NBEAL1: variants seen among roughly 807,000 people sequenced by gnomAD.
NBEAL1 encodes neurobeachin like 1.
In NBEAL1, 273 loss-of-function variants were observed where a neutral mutation model predicts 351.3. That is an observed-to-expected ratio of 0.78 (90% CI 0.70 to 0.86). The LOEUF is 0.86. Among genes scored for constraint, NBEAL1 ranks in the 40% least tolerant of loss-of-function variants. NBEAL1 has a pLI of 0.00. For synonymous variants in NBEAL1, 1,050 were observed against 1,086.4 expected (o/e 0.97, Z 0.66); for missense variants, 2,961 against 3,201.3 (o/e 0.92, Z 1.81).
rs1269632363 is a variant in NBEAL1 at position 203,076,497 on chromosome 2, A to C, written c.599-1255A>C. Among the ~76,000 whole-genome samples, 125 of 151,534 alleles carry C rather than the reference A, an allele frequency of 8.2e-4. 2 individuals are homozygous for C. The East Asian group carries it at 0.017, about 21-fold the overall frequency. On this transcript the variant is annotated intron_variant, in intron 7 of 55. Coordinates refer to ENST00000683969, the MANE Select transcript of NBEAL1 (RefSeq NM_001378026.1). ...GTCTCAAAAACAAACAAACAAACAAAAAAAAAAGTAGAAAGATGTAGTAAT... is the reference window on the plus strand; with the variant it reads ...GTCTCAAAAACAAACAAACAAACAACAAAAAAAGTAGAAAGATGTAGTAAT...
At chr2:203,019,771 C>T (rs534131382) in intron 2 of NBEAL1, among the ~76,000 whole-genome samples, 4 of 152,200 alleles carry the variant, frequency 2.6e-5, no homozygotes, top group Admixed American at 2.6e-4. Context: ...AGAAATAACC[C>T]TTGGGTAATA....
rs559083471 is a variant in NBEAL1, at chr2:203,220,690, T to A, written c.*3336T>A. Among the ~76,000 whole-genome samples the A allele has an allele frequency of 1.3e-4, 20 of 152,250 alleles. No individual in the cohort carries two copies. In the East Asian group the frequency reaches 3.1e-3, roughly 23 times the overall value. On this transcript the variant is annotated 3_prime_UTR_variant, in exon 56 of 56. Transcript: ENST00000683969. ...TAGAGAATAAAGAACCTTTATAAAA[T>A]TTTTTTACAACTGTTTGCAATCAGT...
intron 42 of NBEAL1, among the ~76,000 whole-genome samples, chr2:203,178,167 C>CTT (rs1253087339): frequency 6.7e-5 from 9 of 133,816 alleles, no homozygotes; most frequent in South Asian, 2.5e-4. Flanking sequence ...TTTCTTTTTT[C>CTT]TTTTTTTTTT....
chr2:203,151,433 A>G (rs773933425), intron 34 of NBEAL1, 32 bp from the exon 35 acceptor site: 8 of 1,491,316 alleles, frequency 5.4e-6, no homozygotes, highest in Admixed American at 2.2e-5. Flanking sequence ...TAAGCTAAAT[A>G]ATTTTACTTA....
At chr2:203,133,275 C>T (rs2063117047) in intron 27 of NBEAL1, 129 bp downstream of exon 27, 1 of 433,482 alleles carries the variant, frequency 2.3e-6, no homozygotes, top group Non-Finnish European at 4.1e-6. Context: ...TATAAGTAAA[C>T]AATTTTCTTT....
chr2:203,019,517 C>T (rs546884588), intron 2 of NBEAL1, among the ~76,000 whole-genome samples: 28 of 152,200 alleles, frequency 1.8e-4, no homozygotes, highest in Middle Eastern at 3.4e-3. Flanking sequence ...GATGTCTACA[C>T]AAAACATTGT....
At chr2:203,034,155 T>C (rs2060999479) in intron 2 of NBEAL1, among the ~76,000 whole-genome samples, 1 of 151,396 alleles carries the variant, frequency 6.6e-6, no homozygotes, top group Non-Finnish European at 1.5e-5. Flanking sequence ...ATGGTTGGCC[T>C]GTACTTTTTT....
At position 203,194,006 on chromosome 2, in the gene NBEAL1, TATTTA is replaced by T. The variant is rs1181267349; in HGVS notation, c.7038+99_7038+103del. 115 of 634,712 alleles carry T rather than the reference TATTTA, an allele frequency of 1.8e-4. 2 individuals carry two copies. In the East Asian group the frequency reaches 3.3e-3, roughly 18 times the overall value. The allele number at this position is 634,712 out of a possible 1,614,324, so 39.3% of individuals were successfully genotyped here. Reference sequence around the variant, plus strand: ...ATTTAATGGGAAGTAAGGATTATAATATTTAATTCAAGATAGTAAATTATACTGTA... The same window carrying T: ...ATTTAATGGGAAGTAAGGATTATAATATTCAAGATAGTAAATTATACTGTA... On this transcript the variant is annotated intron_variant, in intron 47 of 55. Coordinates refer to ENST00000683969, the MANE Select transcript of NBEAL1 (RefSeq NM_001378026.1).
chr2:203,224,284 TC>T lies in NBEAL1; in HGVS notation c.*6931del, dbSNP rs1461119683. Among the ~76,000 whole-genome samples, 1 of 152,092 alleles carries T rather than the reference TC, an allele frequency of 6.6e-6. No homozygotes were observed. Among genetic ancestry groups the T allele is most frequent in the Admixed American group, 6.6e-5 (1 of 15,258 alleles). ...ATAAGTAGCTTTATATAAGAAAACT[TC>T]TTAGAAAACTATGTGGCTGGTTGGT... On this transcript the variant is annotated 3_prime_UTR_variant, in exon 56 of 56. Transcript: ENST00000683969.
At chr2:203,204,659 T>C (rs547065547) in intron 51 of NBEAL1, among the ~76,000 whole-genome samples, 1 of 152,334 alleles carries the variant, frequency 6.6e-6, no homozygotes, top group South Asian at 2.1e-4. Context: ...TTTTCATGTT[T>C]GTTTCAGGTC....
At chr2:203,038,396 C>G (rs1383643181) in intron 2 of NBEAL1, among the ~76,000 whole-genome samples, 1 of 149,006 alleles carries the variant, frequency 6.7e-6, no homozygotes, top group Non-Finnish European at 1.5e-5. Context: ...TTTAGCCATT[C>G]TAGTGGGTAT....
rs774331024 is a variant in NBEAL1, at chr2:203,136,622, A to G, written c.4413A>G (p.Gln1471=). 6.2e-7 allele frequency: 1 copy of G among 1,610,840 alleles called. No homozygotes were observed. The highest frequency in any genetic ancestry group is 1.7e-5 in the Admixed American group (1 of 59,784). ...SQERCEEELL[Q]LLTHILNYVM... is the part of the protein sequence containing the mutation. ...AGAGATGTGAGGAGGAGCTTCTTCA[A>G]TTACTGACACATATTTTGAATTATG... The change falls in exon 29 of 56, where the codon CAA becomes CAG. Residue 1471 remains glutamine (Q), a synonymous_variant. Coordinates refer to ENST00000683969, the MANE Select transcript of NBEAL1 (RefSeq NM_001378026.1).
chr2:203,214,371 A>C (rs1458671015), intron 55 of NBEAL1, among the ~76,000 whole-genome samples: 1 of 152,236 alleles, frequency 6.6e-6, no homozygotes, highest in Non-Finnish European at 1.5e-5. Context: ...CAGTGGCTAT[A>C]ATAACCTGTT....
chr2:203,113,323 G>A lies in NBEAL1; in HGVS notation c.2506+5G>A, dbSNP rs2062614699. 1 of 1,366,570 alleles carries A rather than the reference G, an allele frequency of 7.3e-7. No individual in the cohort carries two copies. Among genetic ancestry groups the A allele is most frequent in the Non-Finnish European group, 9.5e-7 (1 of 1,055,424 alleles). The allele number at this position is 1,366,570 out of a possible 1,614,324, so 84.7% of individuals were successfully genotyped here. A position where few individuals can be genotyped will look rare whatever the true frequency, so the allele number is the denominator to read the frequency against. On this transcript the variant is annotated splice_donor_5th_base_variant and intron_variant, in intron 17 of 55. Coordinates refer to ENST00000683969, the MANE Select transcript of NBEAL1 (RefSeq NM_001378026.1). ...TGAAGGCATTATATTTAGCAGGTAA[G>A]CATGTACAGTCATAATGCTTAAGCA...
chr2:203,026,081 T>C (rs2060851069), intron 2 of NBEAL1, among the ~76,000 whole-genome samples: 1 of 152,208 alleles, frequency 6.6e-6, no homozygotes, highest in Non-Finnish European at 1.5e-5. Flanking sequence ...TTATAACTCC[T>C]ACATAATATT....
At chr2:203,156,274 C>T (rs1559412669) in intron 35 of NBEAL1, among the ~76,000 whole-genome samples, 1 of 152,062 alleles carries the variant, frequency 6.6e-6, no homozygotes, top group Non-Finnish European at 1.5e-5. Context: ...AATGTTTTTC[C>T]TTATTTTCAT....
At chr2:203,192,963 C>CTTTCT (rs1559053742) in intron 46 of NBEAL1, among the ~76,000 whole-genome samples, 1 of 99,334 alleles carries the variant, frequency 1.0e-5, no homozygotes, top group East Asian at 2.8e-4. Context: ...TTCTTTCTTT[C>CTTTCT]TTTTTTTTTT....
chr2:203,165,334 A>C, intron 36 of NBEAL1, among the ~76,000 whole-genome samples: 1 of 152,210 alleles, frequency 6.6e-6, no homozygotes, highest in East Asian at 1.9e-4. Context: ...TTCCCTTGTT[A>C]GGGGAATGCT....
rs201603837 is a variant in NBEAL1 at position 203,180,544 on chromosome 2, C to A, written c.6595+32C>A. ...AATAGAGGATTAAAAATTTGACTAG[C>A]AGGTCCCAATGGAGGAGCCTCAAAA... On this transcript the variant is annotated intron_variant, in intron 43 of 55. Transcript: ENST00000683969. The A allele has an allele frequency of 2.9e-5, 46 of 1,577,368 alleles. No homozygotes were observed. The Admixed American group carries it at 4.1e-4, about 14-fold the overall frequency.
Sources: allele counts gnomAD v4.1 joint callset (sites outside exome capture counted in the v4.1 genomes callset), GRCh38; gene constraint gnomAD v4.1.1; transcripts MANE v1.5; gene names NCBI Gene and HGNC (gene_info 2026-07-23, HGNC 2026-07-21).